Variants in NDST3 observed in about 807,000 individuals in gnomAD.
NDST3 encodes the protein bifunctional heparan sulfate N-deacetylase/N-sulfotransferase 3.
NDST3 carries 58 observed loss-of-function variants against 96.1 expected under a neutral mutation model. The ratio of observed to expected loss-of-function variants is 0.60; its 90% CI spans 0.49 to 0.75. The LOEUF is 0.75. Ranked by LOEUF, NDST3 falls within the 30% of genes least tolerant of loss-of-function variation. NDST3 has a pLI of 0.00. For synonymous variants in NDST3, 333 were observed against 359.7 expected (o/e 0.93, Z 0.84); for missense variants, 788 against 1,034.2 (o/e 0.76, Z 3.27).
rs1267266497 is a variant in NDST3 at position 118,204,728 on chromosome 4, G to A, written c.1540-19763G>A. On this transcript the variant is annotated intron_variant, in intron 6 of 13. Transcript: ENST00000296499. ...CATGTGAATATGTGTATATACACAT[G>A]TGTCTTTGTGAATATAAATATAAAT... is the stretch of plus-strand genomic sequence containing the variant. 4.8e-5 allele frequency among the ~76,000 whole-genome samples: 7 copies of A among 144,658 alleles called. 2 individuals carry two copies. Among genetic ancestry groups the A allele is most frequent in the African/African-American group, 1.0e-4 (4 of 39,158 alleles). 94.9% of individuals were successfully genotyped at this position (144,658 alleles called of 152,430 possible).
intron 6 of NDST3, among the ~76,000 whole-genome samples, chr4:118,148,024 C>T (rs752417209): frequency 1.8e-4 from 28 of 152,150 alleles, no homozygotes; most frequent in Admixed American, 7.9e-4. Flanking sequence ...ATGGGCCAGG[C>T]GCAGTGGCTC....
chr4:118,052,352 C>T lies in NDST3; in HGVS notation c.-155-1404C>T, dbSNP rs539544140. On this transcript the variant is annotated intron_variant, in intron 1 of 13. Coordinates refer to ENST00000296499, the MANE Select transcript of NDST3 (RefSeq NM_004784.3). ...AACCCTGAGCACACATGGACATATACACAAGAACAATAGACACTGTGGACT... is the reference window on the plus strand; with the variant it reads ...AACCCTGAGCACACATGGACATATATACAAGAACAATAGACACTGTGGACT... Among the ~76,000 whole-genome samples the T allele has an allele frequency of 1.0e-3, 156 of 151,972 alleles. 2 individuals carry two copies. Among genetic ancestry groups the T allele is most frequent in the African/African-American group, 3.5e-3 (147 of 41,502 alleles).
chr4:118,217,525 A>G (rs533646830), intron 6 of NDST3, among the ~76,000 whole-genome samples: 1 of 152,176 alleles, frequency 6.6e-6, no homozygotes, highest in Admixed American at 6.6e-5. Flanking sequence ...GAACTCATAC[A>G]TTTTCCACGA....
At chr4:118,200,353 C>T (rs1737991775) in intron 6 of NDST3, among the ~76,000 whole-genome samples, 1 of 152,220 alleles carries the variant, frequency 6.6e-6, no homozygotes, top group African/African-American at 2.4e-5. Context: ...ACAGGGAGTA[C>T]TGCCAGACTA....
rs1490175547 is a variant in NDST3, at chr4:118,231,328, T to C, written c.1820-1684T>C. Among the ~76,000 whole-genome samples the C allele has an allele frequency of 1.2e-4, 14 of 114,874 alleles. No homozygotes were observed. The East Asian group carries it at 3.9e-3, about 32-fold the overall frequency. The allele number at this position is 114,874 out of a possible 152,430, so 75.4% of individuals were successfully genotyped here. On this transcript the variant is annotated intron_variant, in intron 8 of 13. Transcript: ENST00000296499. ...TCCAGCCTGGGCAACAGAGCAAGAC[T>C]CCATCTAAAAAAAAATAAATAAATA...
chr4:118,054,157 T>C lies in NDST3; in HGVS notation c.247T>C (p.Phe83Leu). The C allele has an allele frequency of 1.9e-6, 3 of 1,612,986 alleles. No homozygotes were observed. Among genetic ancestry groups the C allele is most frequent in the South Asian group, 2.2e-5 (2 of 91,034 alleles). The stretch of plus-strand genomic sequence containing the variant: ...AAGGACAGACCCCACAGTCCTAGTA[T>C]TTGTAGAGAGCCAGTACTCATCTCT... ...ASRTDPTVLVFVESQYSSLGQ... is the reference protein window; with the variant it reads ...ASRTDPTVLVLVESQYSSLGQ... The change falls in exon 2 of 14, where the codon TTT becomes CTT. Residue 83 changes from phenylalanine (F) to leucine (L), a missense_variant. Physicochemically the swap from Phe to Leu is conservative, Grantham distance 22. Coordinates refer to ENST00000296499, the MANE Select transcript of NDST3 (RefSeq NM_004784.3).
intron 12 of NDST3, among the ~76,000 whole-genome samples, chr4:118,252,514 GAGAA>G (rs1741811643): frequency 6.6e-6 from 1 of 152,208 alleles, no homozygotes; most frequent in Non-Finnish European, 1.5e-5. Flanking sequence ...AACCTCAAAT[GAGAA>G]AGAGTTATAT....
intron 1 of NDST3, among the ~76,000 whole-genome samples, chr4:118,050,043 G>T (rs1724992188): frequency 6.6e-6 from 1 of 152,046 alleles, no homozygotes; most frequent in Non-Finnish European, 1.5e-5. Flanking sequence ...CCACAATCAA[G>T]TCAGCTTTAT....
At chr4:118,212,785 C>T (rs1266636897) in intron 6 of NDST3, among the ~76,000 whole-genome samples, 2 of 152,102 alleles carry the variant, frequency 1.3e-5, no homozygotes, top group Non-Finnish European at 2.9e-5. Context: ...ACTCACATGC[C>T]TTCCTCAGAA....
intron 6 of NDST3, among the ~76,000 whole-genome samples, chr4:118,213,541 T>A (rs1368060148): frequency 2.0e-5 from 3 of 152,118 alleles, no homozygotes; most frequent in East Asian, 3.9e-4. Context: ...GACATTGTGA[T>A]AATTAATAAG....
chr4:118,232,704 G>GAAAA (rs1560734923), intron 8 of NDST3, among the ~76,000 whole-genome samples: 1 of 151,666 alleles, frequency 6.6e-6, no homozygotes, highest in Non-Finnish European at 1.5e-5. Flanking sequence ...AAGAAAGAAA[G>GAAAA]AAAAGATAAA....
intron 2 of NDST3, among the ~76,000 whole-genome samples, chr4:118,056,412 C>T (rs184351597): frequency 6.6e-6 from 1 of 151,836 alleles, no homozygotes; most frequent in African/African-American, 2.4e-5. Context: ...AAAAATTTGG[C>T]ATGTCTACTT....
chr4:118,144,197 T>C (rs1733775532), intron 6 of NDST3, among the ~76,000 whole-genome samples: 1 of 152,076 alleles, frequency 6.6e-6, no homozygotes, highest in African/African-American at 2.4e-5. Flanking sequence ...TTTTTTTTTT[T>C]TGAGATGGAG....
chr4:118,045,457 T>C (rs1724707593), intron 1 of NDST3, among the ~76,000 whole-genome samples: 1 of 152,224 alleles, frequency 6.6e-6, no homozygotes, highest in Non-Finnish European at 1.5e-5. Flanking sequence ...TTAAATAGCA[T>C]GAGAGCTACC....
At chr4:118,205,397 C>A (rs1261163481) in intron 6 of NDST3, among the ~76,000 whole-genome samples, 1 of 144,652 alleles carries the variant, frequency 6.9e-6, no homozygotes, top group Non-Finnish European at 1.5e-5. Context: ...GAATGGAAAT[C>A]TTCCTATATA....
At chr4:118,249,466 G>A (rs1271132394) in intron 12 of NDST3, among the ~76,000 whole-genome samples, 1 of 152,008 alleles carries the variant, frequency 6.6e-6, no homozygotes, top group African/African-American at 2.4e-5. Flanking sequence ...TGATCTCTTT[G>A]TAATTCTGAA....
At chr4:118,168,487 A>G (rs79539335) in intron 6 of NDST3, among the ~76,000 whole-genome samples, 5,383 of 152,236 alleles carry the variant, frequency 0.035, 135 homozygotes, top group African/African-American at 0.072. Flanking sequence ...AGTGCTAGTG[A>G]GAATGTGGAG....
chr4:118,123,504 C>A (rs13131623), intron 4 of NDST3, among the ~76,000 whole-genome samples: 9,339 of 152,144 alleles, frequency 0.061, 383 homozygotes, highest in Non-Finnish European at 0.093. Context: ...AGATAATTTT[C>A]TTTTCAGTTA....
chr4:118,109,310 G>A (rs189531652), intron 3 of NDST3, among the ~76,000 whole-genome samples: 1 of 152,186 alleles, frequency 6.6e-6, no homozygotes, highest in Non-Finnish European at 1.5e-5. Context: ...GTGTGTTTAG[G>A]GGGAGAGGGA....
Sources: allele counts gnomAD v4.1 joint callset (sites outside exome capture counted in the v4.1 genomes callset), GRCh38; gene constraint gnomAD v4.1.1; transcripts MANE v1.5; gene names NCBI Gene and HGNC (gene_info 2026-07-23, HGNC 2026-07-21).